Variants in INHBB observed in about 807,000 individuals in gnomAD.
INHBB encodes inhibin subunit beta B.
A neutral mutation model predicts 28.9 loss-of-function variants in INHBB; 8 were observed. The observed-to-expected ratio is 0.28, with a 90% CI of 0.16 to 0.50. The LOEUF (loss-of-function observed/expected upper bound fraction) is 0.50. Among genes scored for constraint, INHBB ranks in the 20% least tolerant of loss-of-function variants. INHBB has a pLI of 0.98. For missense variants in INHBB, 499 were observed against 597.8 expected, an observed-to-expected ratio of 0.83 and a Z score of 1.72; for synonymous variants, 293 against 262.7, an observed-to-expected ratio of 1.12 and a Z score of -1.12.
chr2:120,346,542 C>T lies in INHBB; in HGVS notation c.354C>T (p.Asp118=), dbSNP rs779022522. 3 of 1,520,858 alleles carry T rather than the reference C, an allele frequency of 2.0e-6. No homozygotes were observed. The highest frequency in any genetic ancestry group is 2.4e-5 in the South Asian group (2 of 82,686). The allele number at this position is 1,520,858 out of a possible 1,614,324, so 94.2% of individuals were successfully genotyped here. ...RKLHAGKVRE[D]GRVEIPHLDG... is the part of the protein sequence containing the mutation. ...TGCACGCGGGCAAGGTGCGCGAGGA[C>T]GGCCGCGTGGAGATCCCGCACCTCG... is the stretch of plus-strand genomic sequence containing the variant. The change falls in exon 1 of 2, where the codon GAC becomes GAT. Residue 118 remains aspartate (D), a synonymous_variant. Coordinates refer to ENST00000295228, the MANE Select transcript of INHBB (RefSeq NM_002193.4).
chr2:120,347,297 A>G (rs1215749673), intron 1 of INHBB, among the ~76,000 whole-genome samples: 1 of 152,056 alleles, frequency 6.6e-6, no homozygotes, highest in Non-Finnish European at 1.5e-5. Context: ...GTTCGGGGAC[A>G]GCCCCGTGCC....
chr2:120,347,912 C>T (rs1691190278), intron 1 of INHBB, among the ~76,000 whole-genome samples: 1 of 152,070 alleles, frequency 6.6e-6, no homozygotes, highest in Non-Finnish European at 1.5e-5. Flanking sequence ...CTTTGGGGCC[C>T]AGAGTTAGAA....
At position 120,349,745 on chromosome 2, in the gene INHBB, C is replaced by T. The variant is rs149889737; in HGVS notation, c.1095C>T (p.Pro365=). 19 of 1,613,552 alleles carry T rather than the reference C, an allele frequency of 1.2e-5. No homozygotes were observed. In the African/African-American group the frequency reaches 1.5e-4, roughly 12 times the overall value. Residue 365 remains proline, a synonymous_variant, in exon 2 of 2, where the codon CCC becomes CCT. Coordinates refer to ENST00000295228, the MANE Select transcript of INHBB (RefSeq NM_002193.4). This position sits in a 1 kb window ranked among gnomAD's most constrained non-coding sequence, Gnocchi z 5.6. ...AGTACCGCATGCGGGGTCTGAACCC[C>T]GGCACGGTGAACTCCTGCTGCATTC... ...VNQYRMRGLN[P]GTVNSCCIPT...
At position 120,346,381 on chromosome 2, in the gene INHBB, G is replaced by A; in HGVS notation, c.193G>A (p.Glu65Lys). The A allele has an allele frequency of 2.0e-6, 3 of 1,519,716 alleles. No homozygotes were observed. The highest frequency in any genetic ancestry group is 2.6e-6 in the Non-Finnish European group (3 of 1,140,506). The allele number at this position is 1,519,716 out of a possible 1,614,324, so 94.1% of individuals were successfully genotyped here. A position where few individuals can be genotyped will look rare whatever the true frequency, so the allele number is the denominator to read the frequency against. Residue 65 changes from glutamate (E) to lysine (K), a missense_variant, in exon 1 of 2, where the codon GAG becomes AAG. By Grantham distance (56) the Glu-to-Lys change is moderately conservative. Transcript: ENST00000295228. ...CTSCGGFRRPEELGRVDGDFL... is the reference protein window; with the variant it reads ...CTSCGGFRRPKELGRVDGDFL... ...GTCGTGCGGCGGCTTCCGGCGGCCAGAGGAGCTCGGCCGAGTGGACGGCGA... is the reference window on the plus strand; with the variant it reads ...GTCGTGCGGCGGCTTCCGGCGGCCAAAGGAGCTCGGCCGAGTGGACGGCGA...
chr2:120,346,492 G>A lies in INHBB; in HGVS notation c.304G>A (p.Ala102Thr). Reference protein sequence around the residue: ...PNITHAVPKAAMVTALRKLHA... With the variant: ...PNITHAVPKATMVTALRKLHA... ...CATCACGCACGCCGTGCCTAAGGCC[G>A]CCATGGTCACGGCCCTGCGCAAGCT... Residue 102 changes from alanine (A) to threonine (T), a missense_variant, in exon 1 of 2, where the codon GCC becomes ACC. Around this residue, in one of 2 missense-constraint regions of INHBB, gnomAD observed 385 missense variants for 415.2 expected, o/e 0.93. Transcript: ENST00000295228. 6.4e-7 allele frequency: 1 copy of A among 1,552,160 alleles called. No homozygotes were observed. The highest frequency in any genetic ancestry group is 8.6e-7 in the Non-Finnish European group (1 of 1,158,022).
rs1691248310 is a variant in INHBB, at chr2:120,350,958, T to A, written c.*1084T>A. Reference sequence around the variant, plus strand: ...GGCCAAGGGAGGGGAGCAGCCTAGTTGGTCTTGGAGAGATGGGGAAGGCTT... The same window carrying A: ...GGCCAAGGGAGGGGAGCAGCCTAGTAGGTCTTGGAGAGATGGGGAAGGCTT... On this transcript the variant is annotated 3_prime_UTR_variant, in exon 2 of 2. Transcript: ENST00000295228. The A allele has an allele frequency of 6.5e-6, 1 of 152,682 alleles. No individual in the cohort carries two copies. The highest frequency in any genetic ancestry group is 1.5e-5 in the Non-Finnish European group (1 of 68,062). 9.5% of individuals were successfully genotyped at this position (152,682 alleles called of 1,614,324 possible).
In INHBB at chr2:120,349,094, C is replaced by T. The variant is rs766513404; in HGVS notation, c.449-5C>T. 3.2e-5 allele frequency: 51 copies of T among 1,591,314 alleles called. No homozygotes were observed. The highest frequency in any genetic ancestry group is 1.7e-4 in the Middle Eastern group (1 of 5,976). On this transcript the variant is annotated splice_region_variant and splice_polypyrimidine_tract_variant and intron_variant, in intron 1 of 1. Transcript: ENST00000295228. This position sits in a 1 kb window ranked among gnomAD's most constrained non-coding sequence, Gnocchi z 5.6. ...AACTTGGCTCGCCCTTCCCCTTTTC[C>T]GCAGATGGCCTCGCCTCCTCCCGGG... is the stretch of plus-strand genomic sequence containing the variant.
At position 120,349,204 on chromosome 2, in the gene INHBB, T is replaced by A. The variant is rs779319802; in HGVS notation, c.554T>A (p.Leu185Gln). ...AGCCTGTGGCTTTACCTGAAACTCC[T>A]GCCCTACGTCCTGGAGAAGGGCAGC... ...QASLWLYLKL[L>Q]PYVLEKGSRR... Residue 185 changes from leucine (L) to glutamine (Q), a missense_variant, in exon 2 of 2, where the codon CTG becomes CAG. Physicochemically the swap from Leu to Gln is moderately radical, Grantham distance 113. Transcript: ENST00000295228. The surrounding 1 kb of genome is among the most constrained non-coding windows in gnomAD (Gnocchi z 5.6). 1 of 1,614,174 alleles carries A rather than the reference T, an allele frequency of 6.2e-7. No homozygotes were observed. The highest frequency in any genetic ancestry group is 2.2e-5 in the East Asian group (1 of 44,892).
At chr2:120,347,308 T>G (rs2104573439) in intron 1 of INHBB, among the ~76,000 whole-genome samples, 1 of 152,068 alleles carries the variant, frequency 6.6e-6, no homozygotes, top group African/African-American at 2.4e-5. Flanking sequence ...GCCCCGTGCC[T>G]CTCGGCTTGC....
Position 120,346,221 on chromosome 2 carries a change from C to A in INHBB, c.33C>A (p.Ala11=). The A allele has an allele frequency of 8.2e-7, 1 of 1,214,834 alleles. No homozygotes were observed. Among genetic ancestry groups the A allele is most frequent in the Non-Finnish European group, 1.0e-6 (1 of 977,634 alleles). 75.3% of individuals were successfully genotyped at this position (1,214,834 alleles called of 1,614,324 possible). MDGLPGRALG[A]ACLLLLAAGW... is the part of the protein sequence containing the mutation. The stretch of plus-strand genomic sequence containing the variant: ...GGCTGCCCGGTCGGGCGCTGGGGGC[C>A]GCCTGCCTTCTGCTGCTGGCGGCCG... Residue 11 remains alanine (A), a synonymous_variant, in exon 1 of 2, where the codon GCC becomes GCA. Transcript: ENST00000295228.
intron 1 of INHBB, among the ~76,000 whole-genome samples, chr2:120,347,891 A>AT (rs1160732464): frequency 6.6e-6 from 1 of 152,208 alleles, no homozygotes; most frequent in Admixed American, 6.5e-5. Context: ...GAGGGCTCGG[A>AT]TTAAAAGGTG....
At chr2:120,348,134 G>A (rs983297242) in intron 1 of INHBB, among the ~76,000 whole-genome samples, 5 of 150,628 alleles carry the variant, frequency 3.3e-5, no homozygotes, top group African/African-American at 7.3e-5. Flanking sequence ...GGAGCCAGGC[G>A]AGGCCTGAGG....
chr2:120,346,157 G>A lies in INHBB; in HGVS notation c.-32G>A. On this transcript the variant is annotated 5_prime_UTR_variant, in exon 1 of 2. Transcript: ENST00000295228. ...CGCTCGGCTCGACTCGGCTCGCCTC[G>A]CGGCGGGCGCCCTCGTCGCCAGCGG... 2.7e-6 allele frequency: 3 copies of A among 1,101,006 alleles called. No individual in the cohort carries two copies. The highest frequency in any genetic ancestry group is 3.3e-6 in the Non-Finnish European group (3 of 907,126). 68.2% of individuals were successfully genotyped at this position (1,101,006 alleles called of 1,614,324 possible).
rs1691261462 is a variant in INHBB, at chr2:120,351,669, C to CT, written c.*1798dup. On this transcript the variant is annotated 3_prime_UTR_variant, in exon 2 of 2. Coordinates refer to ENST00000295228, the MANE Select transcript of INHBB (RefSeq NM_002193.4). Reference sequence around the variant, plus strand: ...CAGGTGTGTATCCTTAAATCCTCATCTTTATGTTTATTTAATAAAGCTCCC... The same window carrying CT: ...CAGGTGTGTATCCTTAAATCCTCATCTTTTATGTTTATTTAATAAAGCTCCC... 1 of 152,214 alleles carries CT rather than the reference C, an allele frequency of 6.6e-6. No individual in the cohort carries two copies. The highest frequency in any genetic ancestry group is 6.5e-5 in the Admixed American group (1 of 15,284). 9.4% of individuals were successfully genotyped at this position (152,214 alleles called of 1,614,324 possible). A position where few individuals can be genotyped will look rare whatever the true frequency, so the allele number is the denominator to read the frequency against.
intron 1 of INHBB, among the ~76,000 whole-genome samples, chr2:120,348,701 C>T (rs969757010): frequency 1.5e-4 from 23 of 149,816 alleles, no homozygotes; most frequent in African/African-American, 3.9e-4. Context: ...CCACCCACCC[C>T]AAAATCCTCC....
Position 120,346,522 on chromosome 2 carries a change from G to A in INHBB, c.334G>A (p.Ala112Thr). 6.5e-7 allele frequency: 1 copy of A among 1,532,132 alleles called. No homozygotes were observed. Among genetic ancestry groups the A allele is most frequent in the Non-Finnish European group, 8.7e-7 (1 of 1,146,378 alleles). 94.9% of individuals were successfully genotyped at this position (1,532,132 alleles called of 1,614,324 possible). A position where few individuals can be genotyped will look rare whatever the true frequency, so the allele number is the denominator to read the frequency against. Residue 112 changes from alanine (A) to threonine (T), a missense_variant, in exon 1 of 2, where the codon GCG becomes ACG. Physicochemically the swap from Ala to Thr is moderately conservative, Grantham distance 58. Coordinates refer to ENST00000295228, the MANE Select transcript of INHBB (RefSeq NM_002193.4). ...AMVTALRKLH[A>T]GKVREDGRVE... ...GGTCACGGCCCTGCGCAAGCTGCACGCGGGCAAGGTGCGCGAGGACGGCCG... is the reference window on the plus strand; with the variant it reads ...GGTCACGGCCCTGCGCAAGCTGCACACGGGCAAGGTGCGCGAGGACGGCCG...
rs1573386534 is a variant in INHBB at position 120,346,160 on chromosome 2, G to A, written c.-29G>A. ...TCGGCTCGACTCGGCTCGCCTCGCG[G>A]CGGGCGCCCTCGTCGCCAGCGGCGC... On this transcript the variant is annotated 5_prime_UTR_variant, in exon 1 of 2. Transcript: ENST00000295228. 2 of 1,113,382 alleles carry A rather than the reference G, an allele frequency of 1.8e-6. No homozygotes were observed. Among genetic ancestry groups the A allele is most frequent in the Admixed American group, 1.0e-4 (2 of 19,684 alleles). The allele number at this position is 1,113,382 out of a possible 1,614,324, so 69.0% of individuals were successfully genotyped here. A position where few individuals can be genotyped will look rare whatever the true frequency, so the allele number is the denominator to read the frequency against.
chr2:120,346,247 G>T lies in INHBB; in HGVS notation c.59G>T (p.Gly20Val). ...GAACLLLLAA[G>V]WLGPEAWGSP... ...GCCTGCCTTCTGCTGCTGGCGGCCG[G>T]CTGGCTGGGGCCTGAGGCCTGGGGC... Residue 20 changes from glycine to valine, a missense_variant, in exon 1 of 2, where the codon GGC (glycine) becomes GTC (valine). Physicochemically the swap from Gly to Val is moderately radical, Grantham distance 109 (BLOSUM62 -3). Transcript: ENST00000295228. 1 of 1,228,234 alleles carries T rather than the reference G, an allele frequency of 8.1e-7. No homozygotes were observed. The allele number at this position is 1,228,234 out of a possible 1,614,324, so 76.1% of individuals were successfully genotyped here. A position where few individuals can be genotyped will look rare whatever the true frequency, so the allele number is the denominator to read the frequency against.
chr2:120,349,207 C>A lies in INHBB; in HGVS notation c.557C>A (p.Pro186His). Residue 186 changes from proline to histidine, a missense_variant, in exon 2 of 2, where the codon CCC (proline) becomes CAC (histidine). Physicochemically the swap from Pro to His is moderately conservative, Grantham distance 77. Transcript: ENST00000295228. The surrounding 1 kb of genome is among the most constrained non-coding windows in gnomAD (Gnocchi z 5.6). ...CTGTGGCTTTACCTGAAACTCCTGC[C>A]CTACGTCCTGGAGAAGGGCAGCCGG... ...ASLWLYLKLL[P>H]YVLEKGSRRK... 1 of 1,614,136 alleles carries A rather than the reference C, an allele frequency of 6.2e-7. No individual in the cohort carries two copies. Among genetic ancestry groups the A allele is most frequent in the Non-Finnish European group, 8.5e-7 (1 of 1,180,048 alleles).
Sources: gnomAD v4.1 joint callset for allele counts (sites outside exome capture counted in the v4.1 genomes callset) on GRCh38, gnomAD v4.1.1 for gene constraint, gnomAD v4.1.1 regional missense constraint, Gnocchi (gnomAD v3.1) non-coding constraint, MANE v1.5 for transcripts, NCBI Gene and HGNC (gene_info 2026-07-23, HGNC 2026-07-21) for gene names.